Variants in PMPCB observed in about 807,000 individuals in gnomAD.
The protein encoded by PMPCB is peptidase, mitochondrial processing subunit beta.
Under a neutral mutation model 61.5 loss-of-function variants are expected in PMPCB, and 46 were observed. The ratio of observed to expected loss-of-function variants is 0.75; its 90% CI spans 0.59 to 0.96. The LOEUF is 0.96. Ranked by LOEUF, PMPCB falls within the 40% of genes least tolerant of loss-of-function variation. PMPCB has a pLI of 0.00. For synonymous variants in PMPCB, 191 were observed against 201.6 expected (o/e 0.95, Z 0.44); for missense variants, 590 against 602.4 (o/e 0.98, Z 0.22).
At chr7:103,336,267 A>T in the PMPCB span, 1 of 152,274 alleles carries the variant, frequency 6.6e-6, no homozygotes, top group Non-Finnish European at 1.5e-5. Context: ...ACCTTAAAAC[A>T]CAAACTATTC....
chr7:103,312,112 T>A lies in PMPCB; in HGVS notation c.1386T>A (p.Ser462Arg). 6.2e-7 allele frequency: 1 copy of A among 1,614,030 alleles called. No homozygotes were observed. Among genetic ancestry groups the A allele is most frequent in the Non-Finnish European group, 8.5e-7 (1 of 1,179,966 alleles). Residue 462 changes from serine (S) to arginine (R), a missense_variant, in exon 12 of 13, where the codon AGT (serine) becomes AGA (arginine). Ser to Arg is a moderately radical substitution (Grantham distance 110). Coordinates refer to ENST00000249269, the MANE Select transcript of PMPCB (RefSeq NM_004279.3). ...EVCTKYIYNRSPAIAAVGPIK... is the reference protein window; with the variant it reads ...EVCTKYIYNRRPAIAAVGPIK... ...GTACCAAATACATTTATAATAGGAG[T>A]CCAGCTATTGCTGCTGTTGGTAAGC...
At chr7:103,311,275 T>C (rs1817741456) in intron 9 of PMPCB, 3 of 195,914 alleles carry the variant, frequency 1.5e-5, no homozygotes, top group Non-Finnish European at 3.1e-5. Flanking sequence ...TTGTTAAAAA[T>C]TAGATTTAAG....
chr7:103,310,927 T>G (rs1189839305), intron 9 of PMPCB: 2 of 152,506 alleles, frequency 1.3e-5, no homozygotes, highest in Non-Finnish European at 2.9e-5. Flanking sequence ...CCTCAGGAGA[T>G]CCACCCTTCT....
At chr7:103,321,774 G>A (rs773820830) in intron 12 of PMPCB, among the ~76,000 whole-genome samples, 2 of 152,192 alleles carry the variant, frequency 1.3e-5, no homozygotes, top group African/African-American at 4.8e-5. Flanking sequence ...GCTCGAACCC[G>A]GAGGCGGAAA....
chr7:103,342,202 T>C, the PMPCB span, among the ~76,000 whole-genome samples: 2 of 152,194 alleles, frequency 1.3e-5, no homozygotes, highest in Non-Finnish European at 1.5e-5. Flanking sequence ...AAAAACTCAG[T>C]AATGTCAATG....
chr7:103,314,984 T>C (rs1235113301), downstream of PMPCB, among the ~76,000 whole-genome samples: 2 of 152,070 alleles, frequency 1.3e-5, no homozygotes, highest in Non-Finnish European at 2.9e-5. Context: ...TTATATCACA[T>C]CCTAAACAAA....
Position 103,312,591 on chromosome 7 carries a change from T to C in PMPCB, c.*320T>C. The C allele has an allele frequency of 6.2e-7, 1 of 1,613,462 alleles. No individual in the cohort carries two copies. The highest frequency in any genetic ancestry group is 1.1e-5 in the South Asian group (1 of 90,902). ...TTGTCATTTCTTGGCTCTACTTGCATTCAGCACTTGTTCTTGAGCAGCTTT... is the reference window on the plus strand; with the variant it reads ...TTGTCATTTCTTGGCTCTACTTGCACTCAGCACTTGTTCTTGAGCAGCTTT... On this transcript the variant is annotated 3_prime_UTR_variant, in exon 13 of 13. Coordinates refer to ENST00000249269, the MANE Select transcript of PMPCB (RefSeq NM_004279.3).
chr7:103,333,198 G>T (rs1054324530), downstream of PMPCB, among the ~76,000 whole-genome samples: 1 of 151,998 alleles, frequency 6.6e-6, no homozygotes, highest in Non-Finnish European at 1.5e-5. Context: ...ACCCAGTTTG[G>T]GATACTGTCT....
chr7:103,333,448 T>G (rs2116002119), downstream of PMPCB, among the ~76,000 whole-genome samples: 1 of 152,358 alleles, frequency 6.6e-6, no homozygotes, highest in South Asian at 2.1e-4. Flanking sequence ...AGAATATATT[T>G]AATTTCCAAG....
At chr7:103,338,962 T>C in the PMPCB span, among the ~76,000 whole-genome samples, 1 of 152,092 alleles carries the variant, frequency 6.6e-6, no homozygotes, top group East Asian at 1.9e-4. Context: ...TGTGGACTAT[T>C]ATACAGCCTC....
At chr7:103,324,694 C>T (rs1387764755) in intron 12 of PMPCB, 11 of 912,780 alleles carry the variant, frequency 1.2e-5, no homozygotes, top group Non-Finnish European at 1.6e-5. Flanking sequence ...AACTCTACAA[C>T]TCGAAGATGG....
downstream of PMPCB, among the ~76,000 whole-genome samples, chr7:103,319,418 C>T (rs907182950): frequency 3.3e-5 from 5 of 152,292 alleles, no homozygotes; most frequent in Admixed American, 2.0e-4. Flanking sequence ...GCCTGGGCAA[C>T]AGAGCAAGAC....
chr7:103,328,870 T>C (rs888824581), intron 12 of PMPCB: 31 of 480,900 alleles, frequency 6.4e-5, no homozygotes, highest in Non-Finnish European at 8.9e-5. Context: ...TTATAAATAA[T>C]GCCAATTTGA....
rs1817892847 is a variant in PMPCB at position 103,313,782 on chromosome 7, A to G, written c.*1511A>G. On this transcript the variant is annotated 3_prime_UTR_variant, in exon 13 of 13. Transcript: ENST00000249269. ...CATCTAAGATGTGTGTCAGAAACAAATATGTTTCTTAAGGATGTTAAGTAT... is the reference window on the plus strand; with the variant it reads ...CATCTAAGATGTGTGTCAGAAACAAGTATGTTTCTTAAGGATGTTAAGTAT... 3.0e-6 allele frequency: 3 copies of G among 985,374 alleles called. No individual in the cohort carries two copies. The highest frequency in any genetic ancestry group is 3.6e-6 in the Non-Finnish European group (3 of 829,870). 61.0% of individuals were successfully genotyped at this position (985,374 alleles called of 1,614,324 possible).
intron 12 of PMPCB, chr7:103,327,615 A>T: frequency 7.8e-7 from 1 of 1,289,048 alleles, no homozygotes; most frequent in South Asian, 1.2e-5. Flanking sequence ...AATAAATAAC[A>T]ATTACTATTA....
At chr7:103,309,557 G>T (rs561411302) in intron 8 of PMPCB, among the ~76,000 whole-genome samples, 3 of 152,094 alleles carry the variant, frequency 2.0e-5, no homozygotes, top group Admixed American at 6.5e-5. Context: ...TATTTATCTA[G>T]AGATGATTTA....
At chr7:103,343,469 G>C in the PMPCB span, among the ~76,000 whole-genome samples, 1 of 152,164 alleles carries the variant, frequency 6.6e-6, no homozygotes, top group African/African-American at 2.4e-5. Context: ...AGACACTCTG[G>C]GTTTTAGACT....
Position 103,312,482 on chromosome 7 carries a change from A to AATT in PMPCB, c.*216_*218dup. ...TTATGTTGGAAGCAGCATACTTTCA[A>AATT]ATTATTACCATGAGTATAATTTTAA... On this transcript the variant is annotated 3_prime_UTR_variant, in exon 13 of 13. Transcript: ENST00000249269. 1 of 1,560,238 alleles carries AATT rather than the reference A, an allele frequency of 6.4e-7. No individual in the cohort carries two copies.
the PMPCB span, among the ~76,000 whole-genome samples, chr7:103,335,058 T>C: frequency 6.6e-6 from 1 of 152,180 alleles, no homozygotes; most frequent in African/African-American, 2.4e-5. Context: ...GGTCTCGAAC[T>C]CCTGACCTCA....
Sources: allele counts gnomAD v4.1 joint callset (sites outside exome capture counted in the v4.1 genomes callset), GRCh38; gene constraint gnomAD v4.1.1; transcripts MANE v1.5; gene names NCBI Gene and HGNC (gene_info 2026-07-23, HGNC 2026-07-21).